The following FBF1 variants were observed in gnomAD, a reference collection of about 807,000 sequenced individuals.
FBF1 encodes the protein Fas binding factor 1, also known as fas-binding factor 1.
In FBF1, 119 loss-of-function variants were observed where a neutral mutation model predicts 147.2. That is an observed-to-expected ratio of 0.81 (90% CI 0.70 to 0.94). The LOEUF is 0.94. Ranked by LOEUF, FBF1 falls within the 40% of genes least tolerant of loss-of-function variation. The pLI is 0.00. For synonymous variants in FBF1, 601 were observed against 609.0 expected, an observed-to-expected ratio of 0.99 and a Z score of 0.19; for missense variants, 1,449 against 1,500.8, an observed-to-expected ratio of 0.97 and a Z score of 0.57.
rs200040856 is a variant in FBF1, at chr17:75,918,163, G to A, written c.2245C>T (p.Arg749Trp). Residue 749 changes from arginine (R) to tryptophan (W), a missense_variant and splice_region_variant, in exon 21 of 30, where the codon CGG becomes TGG. Physicochemically the swap from Arg to Trp is moderately radical, Grantham distance 101. Transcript: ENST00000636174. This position sits in a 1 kb window ranked among gnomAD's most constrained non-coding sequence, Gnocchi z 5.8. ...DAATSATSHT[R>W]SLNSIIHQME... Reference sequence around the variant, plus strand: ...GCATGGTTGGGGCAGCGCACATACCGCGTGTGGGAGGTGGCACTGGTGGCC... The same window carrying A: ...GCATGGTTGGGGCAGCGCACATACCACGTGTGGGAGGTGGCACTGGTGGCC... 217 of 1,613,330 alleles carry A rather than the reference G, an allele frequency of 1.3e-4. 2 individuals carry two copies. In the East Asian group the frequency reaches 4.2e-3, roughly 31 times the overall value.
rs2065451574 is a variant in FBF1, at chr17:75,910,671, A to T, written c.*52T>A. 6.6e-7 allele frequency: 1 copy of T among 1,523,670 alleles called. No individual in the cohort carries two copies. The highest frequency in any genetic ancestry group is 9.0e-7 in the Non-Finnish European group (1 of 1,116,336). 94.4% of individuals were successfully genotyped at this position (1,523,670 alleles called of 1,614,324 possible). On this transcript the variant is annotated 3_prime_UTR_variant, in exon 30 of 30. Coordinates refer to ENST00000636174, the MANE Select transcript of FBF1 (RefSeq NM_001319193.2). This position sits in a 1 kb window ranked among gnomAD's most constrained non-coding sequence, Gnocchi z 4.1. ...CCTCCATGGAGGCAGCCGGAGGAAC[A>T]GGACAGTTCTGGGGTCCGAACCCTC...
In FBF1 at chr17:75,938,193, C is replaced by T. The variant is rs1419319327; in HGVS notation, c.-44G>A. 8 of 1,613,032 alleles carry T rather than the reference C, an allele frequency of 5.0e-6. No homozygotes were observed. The highest frequency in any genetic ancestry group is 5.9e-6 in the Non-Finnish European group (7 of 1,179,652). On this transcript the variant is annotated 5_prime_UTR_variant, in exon 2 of 30. An upstream open reading frame in the 5' UTR gains an earlier in-frame stop. Coordinates refer to ENST00000636174, the MANE Select transcript of FBF1 (RefSeq NM_001319193.2). Reference sequence around the variant, plus strand: ...GCTCTCAGCTCCTTCACAGCACTGGCCAGCTCATCTGGATTCTGCCCACAT... The same window carrying T: ...GCTCTCAGCTCCTTCACAGCACTGGTCAGCTCATCTGGATTCTGCCCACAT...
intron 15 of FBF1, 84 bp from the exon 16 acceptor site, chr17:75,921,644 C>T: frequency 4.6e-6 from 2 of 436,002 alleles, no homozygotes; most frequent in Non-Finnish European, 8.0e-6. Flanking sequence ...CTAGGTGGGA[C>T]ATGGGGACGG....
Position 75,926,369 on chromosome 17 carries a change from A to C in FBF1, c.653T>G (p.Leu218Trp). 2 of 1,610,216 alleles carry C rather than the reference A, an allele frequency of 1.2e-6. No homozygotes were observed. Among genetic ancestry groups the C allele is most frequent in the Non-Finnish European group, 1.7e-6 (2 of 1,178,404 alleles). Residue 218 changes from leucine to tryptophan, a missense_variant, in exon 11 of 30, where the codon TTG becomes TGG. Physicochemically the swap from Leu to Trp is moderately conservative, Grantham distance 61 (BLOSUM62 -2). Coordinates refer to ENST00000636174, the MANE Select transcript of FBF1 (RefSeq NM_001319193.2). ...CATGATGTCATCCCCATCATCAAAC[A>C]ACAATTCTTCTTTTTTTCGGATGGG... ...DTPIRKKEEL[L>W]FDDGDDIMAT... is the part of the protein sequence containing the mutation.
chr17:75,935,764 G>T lies in FBF1; in HGVS notation c.32-91C>A, dbSNP rs2065620762. 4.8e-6 allele frequency: 6 copies of T among 1,262,556 alleles called. No individual in the cohort carries two copies. In the South Asian group the frequency reaches 5.6e-5, roughly 12 times the overall value. 78.2% of individuals were successfully genotyped at this position (1,262,556 alleles called of 1,614,324 possible). On this transcript the variant is annotated intron_variant, in intron 3 of 29. Transcript: ENST00000636174. Reference sequence around the variant, plus strand: ...GCTTGAGACTCGCCAGAAGGCGTCAGACCTTTCAGATGTTGGGACTTAGGC... The same window carrying T: ...GCTTGAGACTCGCCAGAAGGCGTCATACCTTTCAGATGTTGGGACTTAGGC...
At position 75,921,237 on chromosome 17, in the gene FBF1, C is replaced by T. The variant is rs2144168494; in HGVS notation, c.1674+7G>A. The T allele has an allele frequency of 1.3e-6, 2 of 1,580,118 alleles. No individual in the cohort carries two copies. Among genetic ancestry groups the T allele is most frequent in the Non-Finnish European group, 1.7e-6 (2 of 1,162,810 alleles). On this transcript the variant is annotated splice_region_variant and intron_variant, in intron 17 of 29. Coordinates refer to ENST00000636174, the MANE Select transcript of FBF1 (RefSeq NM_001319193.2). The stretch of plus-strand genomic sequence containing the variant: ...CCTGAGCTAGACCTGTCTGCCCACA[C>T]CCCTACCTGGACGGGCACGGAAGGC...
At chr17:75,937,361 G>A (rs544889976) in intron 3 of FBF1, among the ~76,000 whole-genome samples, 38 of 152,070 alleles carry the variant, frequency 2.5e-4, no homozygotes, top group Admixed American at 7.2e-4. Flanking sequence ...TAGCAGAGAC[G>A]GGGTTTCATC....
chr17:75,939,498 T>A (rs1015393693), intron 1 of FBF1, among the ~76,000 whole-genome samples: 2 of 152,120 alleles, frequency 1.3e-5, no homozygotes, highest in Non-Finnish European at 2.9e-5. Context: ...ATGACTACTT[T>A]CTAGGCAGCA....
chr17:75,926,412 G>T lies in FBF1; in HGVS notation c.610C>A (p.Leu204Ile). The change falls in exon 11 of 30, where the codon CTA (leucine) becomes ATA (isoleucine). Residue 204 changes from leucine to isoleucine, a missense_variant. Physicochemically the swap from Leu to Ile is conservative, Grantham distance 5. Coordinates refer to ENST00000636174, the MANE Select transcript of FBF1 (RefSeq NM_001319193.2). ...TVRDQGPSIP[L>I]TPGDTPIRKK... The stretch of plus-strand genomic sequence containing the variant: ...CGGATGGGGGTGTCCCCAGGAGTTA[G>T]AGGAATAGAGGGACCTGAAAGACAA... The T allele has an allele frequency of 5.7e-6, 9 of 1,572,152 alleles. No homozygotes were observed. Among genetic ancestry groups the T allele is most frequent in the Non-Finnish European group, 7.7e-6 (9 of 1,161,332 alleles).
At chr17:75,937,984 C>G (rs909567984) in intron 2 of FBF1, 163 bp downstream of exon 2, 7 of 1,075,886 alleles carry the variant, frequency 6.5e-6, no homozygotes, top group Non-Finnish European at 9.5e-6. Flanking sequence ...CCTTGGTCGT[C>G]GAAAGTTTGG....
intron 23 of FBF1, among the ~76,000 whole-genome samples, chr17:75,917,310 A>G (rs1226524825): frequency 6.6e-6 from 1 of 152,256 alleles, no homozygotes. Flanking sequence ...TATGAAAGGT[A>G]TCTAGGGAAT....
At position 75,922,196 on chromosome 17, in the gene FBF1, G is replaced by C; in HGVS notation, c.1425-150C>G. ...CCGTCTTGGGGCATTCTCCTCCCAC[G>C]TCTGAGCTCCTGGGATTTCTGGGCA... On this transcript the variant is annotated intron_variant, in intron 14 of 29. Coordinates refer to ENST00000636174, the MANE Select transcript of FBF1 (RefSeq NM_001319193.2). The surrounding 1 kb of genome is among the most constrained non-coding windows in gnomAD (Gnocchi z 5.0). 1.6e-6 allele frequency: 1 copy of C among 617,614 alleles called. No individual in the cohort carries two copies. Among genetic ancestry groups the C allele is most frequent in the South Asian group, 1.9e-5 (1 of 51,764 alleles). 38.3% of individuals were successfully genotyped at this position (617,614 alleles called of 1,614,324 possible).
chr17:75,913,889 C>G (rs944498850), intron 27 of FBF1, 24 bp downstream of exon 27: 26 of 1,549,916 alleles, frequency 1.7e-5, no homozygotes, highest in Non-Finnish European at 2.3e-5. Flanking sequence ...GGGGCAGGGG[C>G]GCCATACACT....
intron 29 of FBF1, among the ~76,000 whole-genome samples, chr17:75,911,075 C>T (rs1215780376): frequency 6.6e-6 from 1 of 152,134 alleles, no homozygotes; most frequent in East Asian, 1.9e-4. Flanking sequence ...TGTCTGTAAA[C>T]ATTCCTTGTA....
intron 29 of FBF1, 73 bp downstream of exon 29, chr17:75,912,119 G>A (rs1407893421): frequency 2.8e-6 from 4 of 1,428,244 alleles, no homozygotes; most frequent in Admixed American, 2.0e-5. Flanking sequence ...GCTACCATGT[G>A]CTCCTCCCTG....
chr17:75,930,084 G>A, intron 6 of FBF1, 37 bp from the exon 7 acceptor site: 1 of 1,509,680 alleles, frequency 6.6e-7, no homozygotes, highest in Non-Finnish European at 9.0e-7. Flanking sequence ...CAGATGAGGA[G>A]GCACATTAGT....
At position 75,914,203 on chromosome 17, in the gene FBF1, C is replaced by T; in HGVS notation, c.2910G>A (p.Glu970=). The T allele has an allele frequency of 1.9e-6, 3 of 1,591,448 alleles. No individual in the cohort carries two copies. The highest frequency in any genetic ancestry group is 2.6e-6 in the Non-Finnish European group (3 of 1,171,464). ...ERAALEQERQ[E]LRLEKERINA... ...TGATCCTCTCCTTCTCCAGCCGCAG[C>T]TCCTGCCGCTCCTGCTCCAGGGCTG... Residue 970 remains glutamate, a synonymous_variant, in exon 26 of 30, where the codon GAG becomes GAA. Coordinates refer to ENST00000636174, the MANE Select transcript of FBF1 (RefSeq NM_001319193.2).
chr17:75,914,965 GT>G (rs950429839), intron 24 of FBF1, 33 bp from the exon 25 acceptor site: 2 of 1,611,686 alleles, frequency 1.2e-6, no homozygotes, highest in African/African-American at 2.7e-5. Context: ...CGGGGTGAGT[GT>G]CCCTGGGCAT....
rs2065553102 is a variant in FBF1 at position 75,925,301 on chromosome 17, G to A, written c.968+46C>T. ...AGCTGCAGGGGCCTGTCTTCCCAGTGGCCGACCTGTCTCAAGAGGCCAAGC... is the reference window on the plus strand; with the variant it reads ...AGCTGCAGGGGCCTGTCTTCCCAGTAGCCGACCTGTCTCAAGAGGCCAAGC... On this transcript the variant is annotated intron_variant, in intron 13 of 29. Transcript: ENST00000636174. The surrounding 1 kb of genome is among the most constrained non-coding windows in gnomAD (Gnocchi z 5.0). 6.6e-7 allele frequency: 1 copy of A among 1,507,584 alleles called. No individual in the cohort carries two copies. 93.4% of individuals were successfully genotyped at this position (1,507,584 alleles called of 1,614,324 possible). A position where few individuals can be genotyped will look rare whatever the true frequency, so the allele number is the denominator to read the frequency against.
Sources: gnomAD v4.1 joint callset for allele counts (sites outside exome capture counted in the v4.1 genomes callset) on GRCh38, gnomAD v4.1.1 for gene constraint, Gnocchi (gnomAD v3.1) non-coding constraint, MANE v1.5 for transcripts, NCBI Gene and HGNC (gene_info 2026-07-23, HGNC 2026-07-21) for gene names.